The following USP54 variants were observed in gnomAD, a reference collection of about 807,000 sequenced individuals.
USP54 encodes the protein ubiquitin specific peptidase 54, also known as ubiquitin carboxyl-terminal hydrolase 54.
USP54 carries 87 observed loss-of-function variants against 170.5 expected under a neutral mutation model. The observed-to-expected ratio is 0.51, with a 90% CI of 0.43 to 0.61. The LOEUF (loss-of-function observed/expected upper bound fraction) is 0.61. Among genes scored for constraint, USP54 ranks in the 20% least tolerant of loss-of-function variants. The pLI, the probability that USP54 is intolerant of heterozygous loss-of-function variation, is 0.00. For missense variants in USP54, 1,786 were observed against 2,047.8 expected (o/e 0.87, Z 2.47); for synonymous variants, 655 against 742.8 (o/e 0.88, Z 1.92).
At chr10:73,566,286 C>A (rs895448838) in intron 4 of USP54, among the ~76,000 whole-genome samples, 1 of 152,112 alleles carries the variant, frequency 6.6e-6, no homozygotes, top group Non-Finnish European at 1.5e-5. Context: ...TAGACCTACA[C>A]ACAACAATGT....
chr10:73,624,941 C>A (rs2081400928), intron 1 of USP54, among the ~76,000 whole-genome samples: 2 of 152,176 alleles, frequency 1.3e-5, no homozygotes, highest in South Asian at 4.1e-4. Context: ...TAAAACTATC[C>A]CTAGATTTAG....
intron 1 of USP54, among the ~76,000 whole-genome samples, chr10:73,624,182 ATATATATATATATGTATT>A (rs1358909872): frequency 9.1e-6 from 1 of 110,096 alleles, no homozygotes; most frequent in African/African-American, 3.0e-5. Flanking sequence ...ATATATATAT[ATATATATATATATGTATT>A]TTTTTTTTTT....
chr10:73,533,834 T>C (rs1166432784), intron 12 of USP54, among the ~76,000 whole-genome samples: 2 of 152,240 alleles, frequency 1.3e-5, no homozygotes, highest in East Asian at 3.8e-4. Flanking sequence ...TGCTTCTCTA[T>C]CCTTCAGGAA....
intron 15 of USP54, 32 bp downstream of exon 15, chr10:73,529,648 G>C: frequency 6.2e-7 from 1 of 1,611,370 alleles, no homozygotes; most frequent in Non-Finnish European, 8.5e-7. Context: ...TGCTGCAAGA[G>C]ACAATGTTGC....
At chr10:73,605,069 T>C (rs528861505) in intron 1 of USP54, among the ~76,000 whole-genome samples, 27 of 152,136 alleles carry the variant, frequency 1.8e-4, no homozygotes, top group African/African-American at 5.8e-4. Context: ...GGAGTGCTGA[T>C]TGGTGCATTT....
At chr10:73,575,312 C>T (rs1389588631) in intron 3 of USP54, among the ~76,000 whole-genome samples, 200 bp downstream of exon 3, 1 of 152,128 alleles carries the variant, frequency 6.6e-6, no homozygotes, top group African/African-American at 2.4e-5. Context: ...TTATTAATCC[C>T]TCTTTTTTAC....
At chr10:73,510,118 C>T (rs138063157) in intron 20 of USP54, among the ~76,000 whole-genome samples, 53 of 152,248 alleles carry the variant, frequency 3.5e-4, no homozygotes, top group African/African-American at 1.3e-3. Flanking sequence ...GGGCGGATCA[C>T]GTGGTCAGGA....
chr10:73,501,274 T>G (rs2058057553), intron 22 of USP54, among the ~76,000 whole-genome samples: 1 of 152,194 alleles, frequency 6.6e-6, no homozygotes, highest in Non-Finnish European at 1.5e-5. Flanking sequence ...AATCAAGAAC[T>G]CTACCCCATC....
At position 73,523,757 on chromosome 10, in the gene USP54, T is replaced by C. The variant is rs1347929905; in HGVS notation, c.2195-7A>G. ...TTAGAAGATATCTCCTCACCTGTAA[T>C]ATAAGCAAGGGAGAAGTCACCACAT... On this transcript the variant is annotated splice_region_variant and splice_polypyrimidine_tract_variant and intron_variant, in intron 16 of 23. Coordinates refer to ENST00000687698, the MANE Select transcript of USP54 (RefSeq NM_001391956.1). 2.5e-6 allele frequency: 4 copies of C among 1,609,462 alleles called. No individual in the cohort carries two copies. The highest frequency in any genetic ancestry group is 4.5e-5 in the East Asian group (2 of 44,860).
upstream of USP54, among the ~76,000 whole-genome samples, chr10:73,593,376 C>CAAA (rs772703814): frequency 8.3e-3 from 502 of 60,324 alleles, 4 homozygotes; most frequent in African/African-American, 0.024. Context: ...GACCCTGTCT[C>CAAA]AAAAAAAAAA....
intron 4 of USP54, among the ~76,000 whole-genome samples, chr10:73,570,064 ATAAAT>A (rs2074823618): frequency 6.6e-6 from 1 of 152,032 alleles, no homozygotes; most frequent in Non-Finnish European, 1.5e-5. Context: ...AGCAACTATT[ATAAAT>A]TAAACATATA....
At chr10:73,557,265 G>C (rs188761875) in intron 4 of USP54, among the ~76,000 whole-genome samples, 143 of 151,956 alleles carry the variant, frequency 9.4e-4, no homozygotes, top group African/African-American at 3.3e-3. Context: ...TTAGTGATAT[G>C]AGATAGAATA....
chr10:73,505,170 C>A, intron 21 of USP54, 138 bp downstream of exon 21: 1 of 1,226,790 alleles, frequency 8.2e-7, no homozygotes, highest in Non-Finnish European at 1.1e-6. Flanking sequence ...AAAAGAAGCC[C>A]AATCATAGAC....
chr10:73,613,235 A>G (rs2080306506), intron 1 of USP54, among the ~76,000 whole-genome samples: 1 of 151,152 alleles, frequency 6.6e-6, no homozygotes, highest in Non-Finnish European at 1.5e-5. Flanking sequence ...CCCGGGTTCA[A>G]GCAATCCTGC....
intron 22 of USP54, chr10:73,504,541 AGTGG>A: frequency 2.7e-6 from 1 of 366,888 alleles, no homozygotes; most frequent in Non-Finnish European, 5.1e-6. Context: ...TGATTAGTGC[AGTGG>A]GTTCTGACCC....
In USP54 at chr10:73,539,576, C is replaced by T. The variant is rs774105188; in HGVS notation, c.843G>A (p.Thr281=). ...GTTCAGATTGCTTGGCCCGGTCATC[C>T]GTCACTCTGAAAAACAGCTGAGGGG... ...LKLGDLFFRV[T]DDRAKQSELY... is the part of the protein sequence containing the mutation. Residue 281 remains threonine, a synonymous_variant, in exon 10 of 24, where the codon ACG becomes ACA. Transcript: ENST00000687698. The T allele has an allele frequency of 1.1e-5, 17 of 1,603,206 alleles. No homozygotes were observed. The African/African-American group carries it at 1.1e-4, about 10-fold the overall frequency.
At position 73,504,963 on chromosome 10, in the gene USP54, C is replaced by G. The variant is rs749787642; in HGVS notation, c.4198G>C (p.Glu1400Gln). The G allele has an allele frequency of 1.2e-6, 2 of 1,614,150 alleles. No individual in the cohort carries two copies. The highest frequency in any genetic ancestry group is 1.1e-5 in the South Asian group (1 of 91,082). The change falls in exon 22 of 24, where the codon GAG becomes CAG. Residue 1400 changes from glutamate (E) to glutamine (Q), a missense_variant. This residue lies in a region of USP54 where 1,418 missense variants were observed against 1,569.0 expected (regional missense o/e 0.90). Coordinates refer to ENST00000687698, the MANE Select transcript of USP54 (RefSeq NM_001391956.1). ...QATPCRGLSR[E>Q]CGEDEQYSAE... ...CTGTACTGCTCATCCTCCCCACACT[C>G]CCTGCTGAGGCCTCGGCAAGGTGTA...
At chr10:73,547,642 T>C (rs1359801474) in intron 4 of USP54, among the ~76,000 whole-genome samples, 1 of 152,224 alleles carries the variant, frequency 6.6e-6, no homozygotes, top group Non-Finnish European at 1.5e-5. Flanking sequence ...AAGGATTTCC[T>C]ATTTAATAAA....
intron 4 of USP54, among the ~76,000 whole-genome samples, chr10:73,553,530 T>G (rs1215857325): frequency 1.3e-5 from 2 of 152,136 alleles, no homozygotes; most frequent in Admixed American, 6.6e-5. Flanking sequence ...TCCTCCCACC[T>G]TTCCCAGAGG....
Sources: allele counts gnomAD v4.1 joint callset (sites outside exome capture counted in the v4.1 genomes callset), GRCh38; gene constraint gnomAD v4.1.1; regional missense constraint gnomAD v4.1.1; transcripts MANE v1.5; gene names NCBI Gene and HGNC (gene_info 2026-07-23, HGNC 2026-07-21).